Variants in CAPN9 observed in about 807,000 individuals in gnomAD.
The protein encoded by CAPN9 is calpain 9.
In CAPN9, 81 loss-of-function variants were observed where a neutral mutation model predicts 92.8. The observed-to-expected ratio is 0.87, with a 90% confidence interval of 0.73 to 1.05. The LOEUF is 1.05. Ranked by LOEUF, CAPN9 falls within the 50% of genes least tolerant of loss-of-function variation. The probability of loss-of-function intolerance (pLI) is 0.00; values close to 1 mark genes in which losing one functional copy is unlikely to be tolerated. For missense variants in CAPN9, 848 were observed against 866.2 expected (o/e 0.98, Z 0.26); for synonymous variants, 304 against 328.0 (o/e 0.93, Z 0.79).
rs1391128428 is a variant in CAPN9 at position 230,780,235 on chromosome 1, C to A, written c.1171C>A (p.Gln391Lys). Residue 391 changes from glutamine (Q) to lysine (K), a missense_variant, in exon 10 of 20, where the codon CAG (glutamine) becomes AAG (lysine). Physicochemically the swap from Gln to Lys is moderately conservative, Grantham distance 53. Coordinates refer to ENST00000271971, the MANE Select transcript of CAPN9 (RefSeq NM_006615.3). ...KLSLTEKDEG[Q>K]EECSFLVALM... ...GTCTCTGACTGAGAAAGATGAGGGG[C>A]AGGAGGAGTGTAGTTTCCTTGTAGC... 3 of 1,613,604 alleles carry A rather than the reference C, an allele frequency of 1.9e-6. No individual in the cohort carries two copies. The Admixed American group carries it at 5.0e-5, about 27-fold the overall frequency.
chr1:230,752,725 T>G, intron 1 of CAPN9: 1 of 984,144 alleles, frequency 1.0e-6, no homozygotes, highest in Non-Finnish European at 1.2e-6. Context: ...GAGGAGTGAG[T>G]AGCATTGGCA....
chr1:230,756,352 C>T (rs1278517863), intron 2 of CAPN9, among the ~76,000 whole-genome samples: 2 of 151,800 alleles, frequency 1.3e-5, no homozygotes, highest in African/African-American at 4.8e-5. Flanking sequence ...TAGATAGAAA[C>T]ATAGATAATA....
Position 230,747,477 on chromosome 1 carries a change from C to T in CAPN9, c.-20C>T. On this transcript the variant is annotated 5_prime_UTR_variant, in exon 1 of 20. Coordinates refer to ENST00000271971, the MANE Select transcript of CAPN9 (RefSeq NM_006615.3). ...TTTCCATCCACTGCCGGACCCAAGCCAGCCTTCCAGGGAGCAGCCATGCCT... is the reference window on the plus strand; with the variant it reads ...TTTCCATCCACTGCCGGACCCAAGCTAGCCTTCCAGGGAGCAGCCATGCCT... 1 of 1,609,894 alleles carries T rather than the reference C, an allele frequency of 6.2e-7. No homozygotes were observed. Among genetic ancestry groups the T allele is most frequent in the East Asian group, 2.2e-5 (1 of 44,854 alleles).
At chr1:230,786,059 A>T (rs756176046) in intron 12 of CAPN9, 42 bp downstream of exon 12, 2 of 1,611,084 alleles carry the variant, frequency 1.2e-6, no homozygotes, top group South Asian at 2.2e-5. Context: ...GATTCAGGTG[A>T]TGGTTCTGGA....
chr1:230,751,659 GAAAGAA>G (rs1664837009), intron 1 of CAPN9, among the ~76,000 whole-genome samples: 1 of 76,838 alleles, frequency 1.3e-5, no homozygotes, highest in Non-Finnish European at 2.7e-5. Context: ...AAGAAAGAAA[GAAAGAA>G]AGAAAGAAAG....
chr1:230,780,124 T>C (rs1667108290), intron 9 of CAPN9, 55 bp from the exon 10 acceptor site: 2 of 1,230,284 alleles, frequency 1.6e-6, no homozygotes, highest in Non-Finnish European at 1.2e-6. Flanking sequence ...GTGTGTGTGG[T>C]CTTTGTGGGT....
At chr1:230,787,445 TG>T in intron 12 of CAPN9, 76 bp from the exon 13 acceptor site, 1 of 1,294,998 alleles carries the variant, frequency 7.7e-7, no homozygotes, top group Non-Finnish European at 1.1e-6. Flanking sequence ...CACAGGCTCC[TG>T]GCTTCTTTCC....
At chr1:230,778,951 G>A (rs377721311) in intron 8 of CAPN9, 22 bp from the exon 9 acceptor site, 61 of 1,606,168 alleles carry the variant, frequency 3.8e-5, no homozygotes, top group Admixed American at 2.7e-4. Flanking sequence ...CCTGTGCATC[G>A]TGTCTCTCCG....
At chr1:230,784,928 C>A (rs1236086907) in intron 11 of CAPN9, among the ~76,000 whole-genome samples, 2 of 152,228 alleles carry the variant, frequency 1.3e-5, no homozygotes, top group Non-Finnish European at 2.9e-5. Context: ...CCCATGACAG[C>A]AGCCAAAGTC....
At chr1:230,763,524 T>G (rs1665778705) in intron 4 of CAPN9, among the ~76,000 whole-genome samples, 1 of 152,196 alleles carries the variant, frequency 6.6e-6, no homozygotes, top group Admixed American at 6.5e-5. Flanking sequence ...CCAAATGGCC[T>G]CAGTTTCCTC....
Position 230,769,279 on chromosome 1 carries a change from TC to T in CAPN9, c.789+18del, listed in dbSNP as rs1666224914. ...AATTGACCAGGTAGGCGACTTGAAC[TC>T]CAACTGCAGGCTATGGGGAGACATG... On this transcript the variant is annotated intron_variant, in intron 6 of 19. Transcript: ENST00000271971. The T allele has an allele frequency of 6.3e-7, 1 of 1,579,818 alleles. No homozygotes were observed. Among genetic ancestry groups the T allele is most frequent in the East Asian group, 2.2e-5 (1 of 44,706 alleles).
intron 4 of CAPN9, among the ~76,000 whole-genome samples, chr1:230,765,212 GACACAC>G (rs56286310): frequency 0.062 from 8,185 of 132,060 alleles, 293 homozygotes; most frequent in Middle Eastern, 0.12. Flanking sequence ...ACACATGCAA[GACACAC>G]ACACACACAC....
rs371953997 is a variant in CAPN9, at chr1:230,780,707, C to T, written c.1480C>T (p.Arg494Trp). The T allele has an allele frequency of 1.3e-5, 21 of 1,613,314 alleles. No individual in the cohort carries two copies. Among genetic ancestry groups the T allele is most frequent in the African/African-American group, 2.7e-5 (2 of 74,866 alleles). ...CTTTTCAGAGAAAAAAGCCATTACC[C>T]GGTGAGTCAGAGGAACAGCTTCCAG... ...RIFSEKKAIT[R>W]DMDGNVDIDL... is the part of the protein sequence containing the mutation. Residue 494 changes from arginine (R) to tryptophan (W), a missense_variant and splice_region_variant, in exon 11 of 20, where the codon CGG becomes TGG. Transcript: ENST00000271971.
intron 1 of CAPN9, among the ~76,000 whole-genome samples, chr1:230,753,840 T>TCCTCCCTCCCTC (rs3063223): frequency 3.7e-5 from 5 of 136,766 alleles, no homozygotes; most frequent in Non-Finnish European, 5.0e-5. Context: ...CGGCCCGGCT[T>TCCTCCCTCCCTC]CCTCCCTCCC....
chr1:230,790,121 C>T lies in CAPN9; in HGVS notation c.1600-11C>T. ...AAGGGCTATAACAAACAATTGTCTCCACTTCAACAGGACATGGAGGTGACA... is the reference window on the plus strand; with the variant it reads ...AAGGGCTATAACAAACAATTGTCTCTACTTCAACAGGACATGGAGGTGACA... On this transcript the variant is annotated splice_polypyrimidine_tract_variant and intron_variant, in intron 13 of 19. Transcript: ENST00000271971. 6.2e-7 allele frequency: 1 copy of T among 1,609,702 alleles called. No individual in the cohort carries two copies. Among genetic ancestry groups the T allele is most frequent in the Non-Finnish European group, 8.5e-7 (1 of 1,176,012 alleles).
intron 9 of CAPN9, 101 bp downstream of exon 9, chr1:230,779,234 A>G (rs1667045654): frequency 1.8e-6 from 2 of 1,112,784 alleles, no homozygotes; most frequent in Non-Finnish European, 1.3e-6. Flanking sequence ...AGCCTGAAAC[A>G]TAGTAAGGTT....
chr1:230,751,643 GA>G (rs1275269173), intron 1 of CAPN9, among the ~76,000 whole-genome samples: 1 of 101,072 alleles, frequency 9.9e-6, no homozygotes. Flanking sequence ...AAGAAAGAAA[GA>G]AAGAAAGAAA....
rs548244319 is a variant in CAPN9, at chr1:230,769,278, C to T, written c.789+15C>T. The T allele has an allele frequency of 1.2e-5, 19 of 1,582,500 alleles. No individual in the cohort carries two copies. In the Admixed American group the frequency reaches 2.7e-4, roughly 22 times the overall value. On this transcript the variant is annotated intron_variant, in intron 6 of 19. Transcript: ENST00000271971. ...GAATTGACCAGGTAGGCGACTTGAA[C>T]TCCAACTGCAGGCTATGGGGAGACA...
At position 230,795,449 on chromosome 1, in the gene CAPN9, G is replaced by A. The variant is rs1668289544; in HGVS notation, c.1987+170G>A. The stretch of plus-strand genomic sequence containing the variant: ...TGTGCGGTTAGCTAAGGAGCAGAAT[G>A]TGCCAGCCTCCCCTGCAGCACGTTT... On this transcript the variant is annotated intron_variant, in intron 18 of 19. Coordinates refer to ENST00000271971, the MANE Select transcript of CAPN9 (RefSeq NM_006615.3). 31 of 566,088 alleles carry A rather than the reference G, an allele frequency of 5.5e-5. No individual in the cohort carries two copies. In the South Asian group the frequency reaches 6.1e-4, roughly 11 times the overall value. 35.1% of individuals were successfully genotyped at this position (566,088 alleles called of 1,614,324 possible).
Sources: allele counts gnomAD v4.1 joint callset (sites outside exome capture counted in the v4.1 genomes callset), GRCh38; gene constraint gnomAD v4.1.1; transcripts MANE v1.5; gene names NCBI Gene and HGNC (gene_info 2026-07-23, HGNC 2026-07-21).